PACS2: variants seen among roughly 807,000 people sequenced by gnomAD.
PACS2 encodes the protein PACS1-like protein.
PACS2 carries 36 observed loss-of-function variants against 113.0 expected under a neutral mutation model. The observed-to-expected ratio is 0.32, with a 90% confidence interval of 0.24 to 0.42. The LOEUF (loss-of-function observed/expected upper bound fraction) is 0.42, where lower values mean the gene tolerates loss of function less well. PACS2 is among the 10% of genes least tolerant of loss of function. PACS2 has a pLI of 1.00. For synonymous variants in PACS2, 589 were observed against 536.1 expected (o/e 1.10, Z -1.36); for missense variants, 1,015 against 1,239.5 (o/e 0.82, Z 2.72).
At chr14:105,392,379 C>G (rs1555415162) in intron 22 of PACS2, 1 of 554,908 alleles carries the variant, frequency 1.8e-6, no homozygotes, top group African/African-American at 1.9e-5. Context: ...AGCAGGTGGA[C>G]AGGCCTCCCA....
chr14:105,331,118 C>G (rs2059290147), intron 1 of PACS2, among the ~76,000 whole-genome samples: 1 of 152,132 alleles, frequency 6.6e-6, no homozygotes, highest in African/African-American at 2.4e-5. Flanking sequence ...TCACACCCAG[C>G]TAATTTTTGT....
At chr14:105,383,152 G>A in intron 15 of PACS2, 1 of 654,314 alleles carries the variant, frequency 1.5e-6, no homozygotes, top group Non-Finnish European at 2.7e-6. Context: ...GTCCTTGGAA[G>A]CCTGGGCTGA....
rs1242306985 is a variant in PACS2, at chr14:105,365,878, T to C, written c.424-1335T>C. 6.6e-6 allele frequency among the ~76,000 whole-genome samples: 1 copy of C among 152,246 alleles called. No homozygotes were observed. Among genetic ancestry groups the C allele is most frequent in the Non-Finnish European group, 1.5e-5 (1 of 68,042 alleles). ...GCCTCCAAGTACGTGAAGCTGCGTG[T>C]GCCCCGGCGAGTTGTGGGCACGAGG... is the stretch of plus-strand genomic sequence containing the variant. On this transcript the variant is annotated intron_variant, in intron 4 of 24. Coordinates refer to ENST00000447393, the MANE Select transcript of PACS2 (RefSeq NM_001100913.3). This position sits in a 1 kb window ranked among gnomAD's most constrained non-coding sequence, Gnocchi z 5.1.
chr14:105,313,084 C>T (rs1447510489), upstream of PACS2, among the ~76,000 whole-genome samples: 1 of 152,192 alleles, frequency 6.6e-6, no homozygotes, highest in Admixed American at 6.6e-5. Flanking sequence ...GGTGCCAAGC[C>T]CTGCTGTGCA....
At chr14:105,351,115 C>T (rs1467842549) in intron 2 of PACS2, among the ~76,000 whole-genome samples, 1 of 152,230 alleles carries the variant, frequency 6.6e-6, no homozygotes, top group Non-Finnish European at 1.5e-5. Flanking sequence ...CACCTGGCAC[C>T]TCTCATCCAC....
intron 8 of PACS2, chr14:105,371,057 C>T (rs1381273632): frequency 6.6e-6 from 1 of 152,318 alleles, no homozygotes. Context: ...CTCAGCGAGG[C>T]TGTCAGGTCC....
At chr14:105,318,243 G>A (rs1324039121) in intron 1 of PACS2, among the ~76,000 whole-genome samples, 1 of 152,120 alleles carries the variant, frequency 6.6e-6, no homozygotes, top group African/African-American at 2.4e-5. Flanking sequence ...TCGGCCTCCC[G>A]AAGTGCTGAG....
rs889049767 is a variant in PACS2, at chr14:105,349,239, G to A, written c.207+659G>A. Among the ~76,000 whole-genome samples the A allele has an allele frequency of 8.5e-5, 13 of 152,238 alleles. 1 individual carries two copies. The highest frequency in any genetic ancestry group is 2.1e-4 in the South Asian group (1 of 4,836). On this transcript the variant is annotated intron_variant, in intron 2 of 24. Transcript: ENST00000447393. Reference sequence around the variant, plus strand: ...CACCCCTGCCCTTTCAGGGTCATACGGTTCCAGGTGTGTGGCCTGTATAGG... The same window carrying A: ...CACCCCTGCCCTTTCAGGGTCATACAGTTCCAGGTGTGTGGCCTGTATAGG...
chr14:105,362,464 AG>A (rs149495691), intron 4 of PACS2, among the ~76,000 whole-genome samples: 3,940 of 151,404 alleles, frequency 0.026, 173 homozygotes, highest in African/African-American at 0.089. Flanking sequence ...AGTCATTTCC[AG>A]GGGGTTTCCA....
At chr14:105,316,613 G>A (rs914196865) in intron 1 of PACS2, among the ~76,000 whole-genome samples, 1 of 152,226 alleles carries the variant, frequency 6.6e-6, no homozygotes, top group Non-Finnish European at 1.5e-5. Context: ...GCGTGTGGCA[G>A]GAGGGGCCGG....
chr14:105,379,526 G>A (rs587654220), intron 9 of PACS2, among the ~76,000 whole-genome samples: 3 of 152,260 alleles, frequency 2.0e-5, no homozygotes, highest in South Asian at 4.1e-4. Context: ...TTGGCCCAGC[G>A]CTTAGTGTTG....
At chr14:105,384,671 G>A (rs955319279) in intron 17 of PACS2, among the ~76,000 whole-genome samples, 3 of 152,218 alleles carry the variant, frequency 2.0e-5, no homozygotes, top group African/African-American at 7.2e-5. Flanking sequence ...GTCTGGGAAG[G>A]GGCGGGCACA....
intron 3 of PACS2, among the ~76,000 whole-genome samples, chr14:105,353,748 C>CACT (rs2141042885): frequency 6.6e-6 from 1 of 152,146 alleles, no homozygotes; most frequent in Non-Finnish European, 1.5e-5. Flanking sequence ...CATGTGCCAC[C>CACT]ACGCCCGGCT....
upstream of PACS2, among the ~76,000 whole-genome samples, chr14:105,310,822 C>T (rs1450173505): frequency 6.6e-6 from 1 of 152,234 alleles, no homozygotes; most frequent in Non-Finnish European, 1.5e-5. Flanking sequence ...CCCCATCACA[C>T]AGAGATACTT....
intron 1 of PACS2, among the ~76,000 whole-genome samples, chr14:105,306,300 T>C (rs2058184309): frequency 1.3e-5 from 2 of 152,034 alleles, no homozygotes; most frequent in African/African-American, 4.8e-5. Flanking sequence ...TGTTTTGTTT[T>C]GTTTTGTTTT....
chr14:105,359,680 C>T (rs587617614), intron 4 of PACS2, among the ~76,000 whole-genome samples: 29 of 151,824 alleles, frequency 1.9e-4, no homozygotes, highest in Non-Finnish European at 3.4e-4. Context: ...CAACCTCCAC[C>T]TCCCAGGTTC....
At chr14:105,383,955 C>T (rs960102461) in intron 16 of PACS2, 3 of 284,994 alleles carry the variant, frequency 1.1e-5, no homozygotes, top group Non-Finnish European at 2.0e-5. Context: ...TAGGTCCATA[C>T]GATGTGTCTT....
chr14:105,350,726 T>C (rs1166082716), intron 2 of PACS2, among the ~76,000 whole-genome samples: 3 of 152,208 alleles, frequency 2.0e-5, no homozygotes, highest in African/African-American at 7.2e-5. Context: ...CACTGTCCTT[T>C]TCCCGACACA....
intron 1 of PACS2, among the ~76,000 whole-genome samples, chr14:105,339,479 C>T (rs1414604011): frequency 6.8e-6 from 1 of 147,466 alleles, no homozygotes; most frequent in Non-Finnish European, 1.5e-5. Context: ...GCACTCCAGC[C>T]TGGGCAACAA....
Sources: gnomAD v4.1 joint callset for allele counts (sites outside exome capture counted in the v4.1 genomes callset) on GRCh38, gnomAD v4.1.1 for gene constraint, Gnocchi (gnomAD v3.1) non-coding constraint, MANE v1.5 for transcripts, NCBI Gene and HGNC (gene_info 2026-07-23, HGNC 2026-07-21) for gene names.